Variants in LHFPL6 observed in about 807,000 individuals in gnomAD.
LHFPL6 encodes the protein LHFPL tetraspan subfamily member 6.
Under a neutral mutation model 20.6 loss-of-function variants are expected in LHFPL6, and 9 were observed. The ratio of observed to expected loss-of-function variants is 0.44; its 90% CI spans 0.26 to 0.76. The LOEUF (loss-of-function observed/expected upper bound fraction) is 0.76. Ranked by LOEUF, LHFPL6 falls within the 30% of genes least tolerant of loss-of-function variation. The probability of loss-of-function intolerance (pLI) is 0.20; values close to 1 mark genes in which losing one functional copy is unlikely to be tolerated. For missense variants in LHFPL6, 218 were observed against 253.5 expected, an observed-to-expected ratio of 0.86 and a Z score of 0.95; for synonymous variants, 105 against 98.7, an observed-to-expected ratio of 1.06 and a Z score of -0.38.
intron 2 of LHFPL6, among the ~76,000 whole-genome samples, chr13:39,552,493 C>T (rs1012772364): frequency 1.4e-4 from 21 of 152,034 alleles, no homozygotes; most frequent in African/African-American, 5.1e-4. Flanking sequence ...TGAAAGGGTC[C>T]GTAATTAATA....
intron 2 of LHFPL6, among the ~76,000 whole-genome samples, chr13:39,565,650 A>G (rs148131983): frequency 6.2e-4 from 94 of 152,370 alleles, no homozygotes; most frequent in African/African-American, 2.2e-3. Context: ...TTATTATAAC[A>G]GAACATTCTA....
chr13:39,441,617 A>G (rs1378860076), intron 2 of LHFPL6, among the ~76,000 whole-genome samples: 3 of 151,792 alleles, frequency 2.0e-5, no homozygotes, highest in Non-Finnish European at 4.4e-5. Flanking sequence ...GGCTCAAGTG[A>G]TCCTCCCACC....
intron 2 of LHFPL6, among the ~76,000 whole-genome samples, chr13:39,402,463 G>C (rs2138380177): frequency 6.6e-6 from 1 of 152,262 alleles, no homozygotes; most frequent in South Asian, 2.1e-4. Context: ...CTCCTGGCCT[G>C]AAGTGATCCT....
chr13:39,520,353 G>A (rs9548796), intron 2 of LHFPL6, among the ~76,000 whole-genome samples: 128,875 of 152,078 alleles, frequency 0.85, 54,705 homozygotes, highest in Middle Eastern at 0.93. Context: ...CCTCCTATCA[G>A]GGACACCCAA....
At chr13:39,426,576 T>A (rs1871644086) in intron 2 of LHFPL6, among the ~76,000 whole-genome samples, 1 of 152,200 alleles carries the variant, frequency 6.6e-6, no homozygotes, top group South Asian at 2.1e-4. Flanking sequence ...GTATGTGAAA[T>A]TATACAGTAT....
At chr13:39,463,528 C>G (rs1296255766) in intron 2 of LHFPL6, among the ~76,000 whole-genome samples, 1 of 152,120 alleles carries the variant, frequency 6.6e-6, no homozygotes, top group African/African-American at 2.4e-5. Context: ...GTATATCTTG[C>G]ATACAAAGAT....
At chr13:39,570,024 T>C (rs891928143) in intron 2 of LHFPL6, among the ~76,000 whole-genome samples, 4 of 152,216 alleles carry the variant, frequency 2.6e-5, no homozygotes, top group Non-Finnish European at 5.9e-5. Context: ...TCTGAGAGTC[T>C]ATGAAATATC....
chr13:39,413,061 G>C (rs994065783), intron 2 of LHFPL6, among the ~76,000 whole-genome samples: 1 of 152,102 alleles, frequency 6.6e-6, no homozygotes, highest in South Asian at 2.1e-4. Flanking sequence ...AAAGATGAAC[G>C]AGCCCTAACT....
intron 2 of LHFPL6, among the ~76,000 whole-genome samples, chr13:39,415,449 T>C (rs1283708193): frequency 6.6e-6 from 1 of 151,550 alleles, no homozygotes; most frequent in Non-Finnish European, 1.5e-5. Context: ...GTGTTCAACA[T>C]GTTAATAGTG....
At chr13:39,579,857 G>A (rs1442784196) in intron 2 of LHFPL6, among the ~76,000 whole-genome samples, 1 of 152,154 alleles carries the variant, frequency 6.6e-6, no homozygotes, top group Non-Finnish European at 1.5e-5. Context: ...ATCTTTCTGA[G>A]GAAAAGAGTC....
intron 2 of LHFPL6, among the ~76,000 whole-genome samples, chr13:39,555,265 A>G (rs914388453): frequency 2.6e-5 from 4 of 152,046 alleles, no homozygotes; most frequent in African/African-American, 9.7e-5. Context: ...GCAGAATCAA[A>G]TAAGTGAAAG....
At chr13:39,580,887 C>T (rs960294667) in intron 2 of LHFPL6, among the ~76,000 whole-genome samples, 1 of 152,200 alleles carries the variant, frequency 6.6e-6, no homozygotes, top group African/African-American at 2.4e-5. Flanking sequence ...ATCCTCTGTT[C>T]ATTTGCTTTG....
rs1454495577 is a variant in LHFPL6, at chr13:39,360,868, T to C, written c.485-16814A>G. On this transcript the variant is annotated intron_variant, in intron 3 of 3. Coordinates refer to ENST00000379589, the MANE Select transcript of LHFPL6 (RefSeq NM_005780.3). ...TTTGCTGAAGAGCCATAGTTTTCAT[T>C]TGCTCTGTTGAATCTCTCTTGCCCG... Among the ~76,000 whole-genome samples the C allele has an allele frequency of 2.1e-5, 2 of 97,488 alleles. 1 individual carries two copies. Among genetic ancestry groups the C allele is most frequent in the East Asian group, 7.3e-4 (2 of 2,746 alleles). The allele number at this position is 97,488 out of a possible 152,430, so 64.0% of individuals were successfully genotyped here.
At chr13:39,372,765 C>T (rs2138355003) in intron 3 of LHFPL6, among the ~76,000 whole-genome samples, 1 of 152,340 alleles carries the variant, frequency 6.6e-6, no homozygotes, top group South Asian at 2.1e-4. Flanking sequence ...CATTATACTA[C>T]AACTACAAAT....
At chr13:39,446,585 C>T (rs1383942044) in intron 2 of LHFPL6, among the ~76,000 whole-genome samples, 3 of 151,986 alleles carry the variant, frequency 2.0e-5, no homozygotes, top group East Asian at 1.9e-4. Context: ...CCACAATCAA[C>T]GTCGTATCTG....
At chr13:39,422,241 TG>T (rs1418876060) in intron 2 of LHFPL6, among the ~76,000 whole-genome samples, 1 of 152,144 alleles carries the variant, frequency 6.6e-6, no homozygotes, top group Non-Finnish European at 1.5e-5. Flanking sequence ...GCAGACTATA[TG>T]GTATGTTCTA....
intron 2 of LHFPL6, among the ~76,000 whole-genome samples, chr13:39,556,465 T>TA (rs1373155743): frequency 6.6e-6 from 1 of 152,192 alleles, no homozygotes; most frequent in Admixed American, 6.5e-5. Flanking sequence ...GTCACCCCTG[T>TA]TACACCCTGG....
intron 3 of LHFPL6, among the ~76,000 whole-genome samples, chr13:39,347,691 A>C (rs771022433): frequency 6.6e-5 from 10 of 152,168 alleles, no homozygotes; most frequent in Non-Finnish European, 1.2e-4. Context: ...CCATGAACTA[A>C]TGTGGTTGTG....
At chr13:39,417,056 G>T (rs1871367950) in intron 2 of LHFPL6, among the ~76,000 whole-genome samples, 1 of 152,218 alleles carries the variant, frequency 6.6e-6, no homozygotes, top group Admixed American at 6.5e-5. Flanking sequence ...AAGGTGTAGG[G>T]AGACTCCTCT....
Sources: allele counts gnomAD v4.1 joint callset (sites outside exome capture counted in the v4.1 genomes callset), GRCh38; gene constraint gnomAD v4.1.1; transcripts MANE v1.5; gene names NCBI Gene and HGNC (gene_info 2026-07-23, HGNC 2026-07-21).